The following TSPAN5 variants were observed in gnomAD, a reference collection of about 807,000 sequenced individuals.
TSPAN5 encodes tetraspanin-5.
In TSPAN5, 10 loss-of-function variants were observed where a neutral mutation model predicts 37.1. That is an observed-to-expected ratio of 0.27 (90% CI 0.17 to 0.46). The LOEUF is 0.46. Ranked by LOEUF, TSPAN5 falls within the 20% of genes least tolerant of loss-of-function variation. The probability of loss-of-function intolerance (pLI) is 1.00; values close to 1 mark genes in which losing one functional copy is unlikely to be tolerated. For synonymous variants in TSPAN5, 110 were observed against 118.9 expected (o/e 0.93, Z 0.48); for missense variants, 195 against 326.6 (o/e 0.60, Z 3.11).
At chr4:98,528,946 T>G (rs190327574) in intron 1 of TSPAN5, among the ~76,000 whole-genome samples, 5 of 152,324 alleles carry the variant, frequency 3.3e-5, no homozygotes, top group Admixed American at 3.3e-4. Context: ...GGAGAGGTAC[T>G]GTTATTATTC....
chr4:98,649,691 T>C (rs1757144016), intron 1 of TSPAN5, among the ~76,000 whole-genome samples: 1 of 152,228 alleles, frequency 6.6e-6, no homozygotes, highest in Admixed American at 6.5e-5. Context: ...GAGGAACTAA[T>C]CTGTGAAAGT....
Position 98,508,130 on chromosome 4 carries a change from G to C in TSPAN5, c.82-402C>G, listed in dbSNP as rs749244934. Among the ~76,000 whole-genome samples, 36 of 152,182 alleles carry C rather than the reference G, an allele frequency of 2.4e-4. 1 individual carries two copies. The highest frequency in any genetic ancestry group is 5.0e-4 in the Non-Finnish European group (34 of 68,034). On this transcript the variant is annotated intron_variant, in intron 1 of 7. Transcript: ENST00000305798. ...TAGAGGAACTGGGATCTTCTCTTCA[G>C]TATTGAGCCATTACAAATGGGCCAG...
intron 3 of TSPAN5, chr4:98,485,112 TAAAA>T (rs34892296): frequency 2.2e-3 from 326 of 145,838 alleles, no homozygotes; most frequent in Middle Eastern, 3.6e-3. Context: ...AAACTCCATC[TAAAA>T]AAAAAAAAAA....
rs1752751725 is a variant in TSPAN5 at position 98,478,281 on chromosome 4, G to A, written c.576+404C>T. Among the ~76,000 whole-genome samples, 5 of 152,304 alleles carry A rather than the reference G, an allele frequency of 3.3e-5. No homozygotes were observed. In the South Asian group the frequency reaches 1.0e-3, roughly 32 times the overall value. ...TCTCATATGAGCCTGCCCTTCTCAT[G>A]AAGAAAGGCTAACAGATGATACAGG... On this transcript the variant is annotated intron_variant, in intron 5 of 7. Coordinates refer to ENST00000305798, the MANE Select transcript of TSPAN5 (RefSeq NM_005723.4).
chr4:98,634,046 TC>T (rs1293420818), intron 1 of TSPAN5, among the ~76,000 whole-genome samples: 1 of 150,042 alleles, frequency 6.7e-6, no homozygotes, highest in African/African-American at 2.5e-5. Context: ...ACCACTGCAC[TC>T]CAGCCTGGGC....
At chr4:98,554,362 ATGATTTAGTGAAGC>A (rs1392928955) in intron 1 of TSPAN5, among the ~76,000 whole-genome samples, 1 of 152,150 alleles carries the variant, frequency 6.6e-6, no homozygotes, top group Non-Finnish European at 1.5e-5. Context: ...AAGCCCTGCA[ATGATTTAGTGAAGC>A]TCAGTGTCTC....
intron 1 of TSPAN5, among the ~76,000 whole-genome samples, chr4:98,561,694 C>T (rs1055316639): frequency 6.6e-6 from 1 of 152,194 alleles, no homozygotes; most frequent in African/African-American, 2.4e-5. Context: ...ACACGGATCC[C>T]AAAGTGTTTC....
At chr4:98,649,147 T>C (rs1370196387) in intron 1 of TSPAN5, among the ~76,000 whole-genome samples, 1 of 152,224 alleles carries the variant, frequency 6.6e-6, no homozygotes, top group East Asian at 1.9e-4. Context: ...CTGGTTCTTT[T>C]CTTTCTTAAG....
intron 2 of TSPAN5, among the ~76,000 whole-genome samples, chr4:98,487,606 G>C (rs2110265520): frequency 6.6e-6 from 1 of 151,740 alleles, no homozygotes; most frequent in African/African-American, 2.4e-5. Flanking sequence ...ATCTACTCTT[G>C]AGCTCCATGG....
chr4:98,476,866 A>G (rs1342781720), intron 5 of TSPAN5, among the ~76,000 whole-genome samples: 1 of 152,212 alleles, frequency 6.6e-6, no homozygotes, highest in Non-Finnish European at 1.5e-5. Flanking sequence ...TTTTTAATCT[A>G]TGTACTTCCA....
intron 1 of TSPAN5, among the ~76,000 whole-genome samples, chr4:98,613,801 G>C (rs1324460116): frequency 6.6e-6 from 1 of 152,072 alleles, no homozygotes; most frequent in African/African-American, 2.4e-5. Flanking sequence ...GATGCTGGTT[G>C]ATGGATTTTA....
rs559049655 is a variant in TSPAN5, at chr4:98,631,496, T to C, written c.81+26650A>G. ...TCGATCTTTTTTTTTTGGCATTTGCTATGTCATCTGGTATCCCTCCAGACT... is the reference window on the plus strand; with the variant it reads ...TCGATCTTTTTTTTTTGGCATTTGCCATGTCATCTGGTATCCCTCCAGACT... On this transcript the variant is annotated intron_variant, in intron 1 of 7. Coordinates refer to ENST00000305798, the MANE Select transcript of TSPAN5 (RefSeq NM_005723.4). Among the ~76,000 whole-genome samples, 3 of 152,114 alleles carry C rather than the reference T, an allele frequency of 2.0e-5. No individual in the cohort carries two copies. The South Asian group carries it at 6.2e-4, about 32-fold the overall frequency.
chr4:98,472,467 G>A lies in TSPAN5; in HGVS notation c.*55C>T, dbSNP rs1311414716. On this transcript the variant is annotated 3_prime_UTR_variant, in exon 8 of 8. Coordinates refer to ENST00000305798, the MANE Select transcript of TSPAN5 (RefSeq NM_005723.4). ...GCTCGAAGATCAGTTCGGCACGCGG[G>A]AGGGTCCCGAAAGCTGGGTCTGTCC... The A allele has an allele frequency of 6.5e-7, 1 of 1,537,250 alleles. No individual in the cohort carries two copies. The highest frequency in any genetic ancestry group is 9.0e-7 in the Non-Finnish European group (1 of 1,113,450).
intron 1 of TSPAN5, among the ~76,000 whole-genome samples, chr4:98,567,955 A>G (rs750870812): frequency 5.9e-5 from 9 of 152,030 alleles, no homozygotes; most frequent in African/African-American, 7.2e-5. Context: ...CACTTTCTTC[A>G]TCTGTAAAAT....
At chr4:98,599,430 A>T (rs4699355) in intron 1 of TSPAN5, among the ~76,000 whole-genome samples, 11,451 of 151,514 alleles carry the variant, frequency 0.076, 498 homozygotes, top group South Asian at 0.1. Context: ...GAAACTTTTT[A>T]AAAAAATTCA....
chr4:98,567,999 A>G (rs1755045485), intron 1 of TSPAN5, among the ~76,000 whole-genome samples: 1 of 152,170 alleles, frequency 6.6e-6, no homozygotes, highest in Non-Finnish European at 1.5e-5. Flanking sequence ...GAAAGGACTA[A>G]ATGAAATAAT....
chr4:98,493,414 T>G (rs1278241089), intron 2 of TSPAN5, among the ~76,000 whole-genome samples: 6 of 152,074 alleles, frequency 3.9e-5, no homozygotes, highest in Non-Finnish European at 8.8e-5. Flanking sequence ...TGAACCTAAC[T>G]GGAACAAGGA....
chr4:98,544,073 G>A (rs1195253586), intron 1 of TSPAN5, among the ~76,000 whole-genome samples: 7 of 152,012 alleles, frequency 4.6e-5, no homozygotes, highest in African/African-American at 1.2e-4. Flanking sequence ...CTAGCTACTC[G>A]GGAGGCTGAG....
intron 1 of TSPAN5, among the ~76,000 whole-genome samples, chr4:98,632,147 C>T (rs1408804793): frequency 6.6e-6 from 1 of 152,142 alleles, no homozygotes; most frequent in Non-Finnish European, 1.5e-5. Context: ...AAGTACCTAC[C>T]CTCTGCCACC....
Sources: gnomAD v4.1 joint callset for allele counts (sites outside exome capture counted in the v4.1 genomes callset) on GRCh38, gnomAD v4.1.1 for gene constraint, MANE v1.5 for transcripts, NCBI Gene and HGNC (gene_info 2026-07-23, HGNC 2026-07-21) for gene names.